Variants in RANBP2 observed in about 807,000 individuals in gnomAD.
RANBP2 encodes the protein E3 SUMO-protein ligase RanBP2.
In RANBP2, 57 loss-of-function variants were observed where a neutral mutation model predicts 303.6. The observed-to-expected ratio is 0.19, with a 90% CI of 0.15 to 0.23. The LOEUF (loss-of-function observed/expected upper bound fraction) is 0.23. Ranked by LOEUF, RANBP2 falls within the 10% of genes least tolerant of loss-of-function variation. RANBP2 has a pLI of 1.00. For missense variants in RANBP2, 3,138 were observed against 3,780.8 expected (o/e 0.83, Z 4.46); for synonymous variants, 1,167 against 1,301.5 (o/e 0.90, Z 2.23).
chr2:109,732,088 G>T, the RANBP2 span, among the ~76,000 whole-genome samples: 2 of 152,020 alleles, frequency 1.3e-5, no homozygotes, highest in African/African-American at 4.8e-5. Context: ...AAACTCCTGG[G>T]CTCAAGAGAT....
the RANBP2 span, among the ~76,000 whole-genome samples, chr2:109,536,566 T>TC: frequency 6.6e-6 from 1 of 152,224 alleles, no homozygotes; most frequent in Non-Finnish European, 1.5e-5. Context: ...GGAAGGGACT[T>TC]GCCTTGTCTC....
chr2:109,498,196 G>A, the RANBP2 span, among the ~76,000 whole-genome samples: 1 of 152,150 alleles, frequency 6.6e-6, no homozygotes, highest in Admixed American at 6.5e-5. Context: ...CTGGTTCGCC[G>A]GCAGATAGCC....
At chr2:108,967,633 T>C in the RANBP2 span, among the ~76,000 whole-genome samples, 1 of 152,232 alleles carries the variant, frequency 6.6e-6, no homozygotes. Context: ...AGAGTGTGTC[T>C]TTGTAGGAAA....
the RANBP2 span, chr2:108,906,240 G>T: frequency 3.7e-3 from 5,755 of 1,565,608 alleles, 172 homozygotes; most frequent in African/African-American, 0.069. Flanking sequence ...GAGCCTCAGG[G>T]CTCCGGGCCC....
At chr2:109,535,695 T>C in the RANBP2 span, among the ~76,000 whole-genome samples, 1 of 152,102 alleles carries the variant, frequency 6.6e-6, no homozygotes. Flanking sequence ...ACAAGGGCAT[T>C]TGCATGAGCC....
chr2:109,163,390 CTTTT>C, the RANBP2 span, among the ~76,000 whole-genome samples: 5 of 70,268 alleles, frequency 7.1e-5, no homozygotes, highest in Non-Finnish European at 9.8e-5. Flanking sequence ...AGCAAATATT[CTTTT>C]TTTTTTTTTT....
In RANBP2 at chr2:108,764,536, G is replaced by C; in HGVS notation, c.3997G>C (p.Asp1333His). 6.2e-7 allele frequency: 1 copy of C among 1,613,908 alleles called. No individual in the cohort carries two copies. Among genetic ancestry groups the C allele is most frequent in the Admixed American group, 1.7e-5 (1 of 59,980 alleles). The change falls in exon 20 of 29, where the codon GAT becomes CAT. Residue 1333 changes from aspartate (D) to histidine (H), a missense_variant. Coordinates refer to ENST00000283195, the MANE Select transcript of RANBP2 (RefSeq NM_006267.5). ...VKEPTSHDNK[D>H]ICKSDAGNLN... ...AGAACCCACAAGTCATGATAACAAG[G>C]ATATTTGCAAATCTGATGCTGGAAA...
chr2:108,993,331 G>A, the RANBP2 span, among the ~76,000 whole-genome samples: 4 of 152,206 alleles, frequency 2.6e-5, no homozygotes. Flanking sequence ...ACAAAGCAGG[G>A]AGCTGGCCTG....
chr2:108,768,279 A>G lies in RANBP2; in HGVS notation c.7740A>G (p.Ser2580=), dbSNP rs778017391. The G allele has an allele frequency of 3.1e-6, 5 of 1,612,050 alleles. No individual in the cohort carries two copies. In the South Asian group the frequency reaches 4.4e-5, roughly 14 times the overall value. ...TGGAACCTAAAAAATGTGAACTGTC[A>G]AAGAACTCTGATATCGAACAGTCTT... is the stretch of plus-strand genomic sequence containing the variant. ...SKVEPKKCEL[S]KNSDIEQSSD... The change falls in exon 20 of 29, where the codon TCA becomes TCG. Residue 2580 remains serine (S), a synonymous_variant. Transcript: ENST00000283195.
At chr2:109,615,686 G>A in the RANBP2 span, 4 of 1,614,060 alleles carry the variant, frequency 2.5e-6, no homozygotes, top group Middle Eastern at 3.3e-4. Flanking sequence ...CCCTGGACGA[G>A]GGTGACGGGG....
chr2:109,592,056 A>T, the RANBP2 span, among the ~76,000 whole-genome samples: 1 of 152,306 alleles, frequency 6.6e-6, no homozygotes, highest in African/African-American at 2.4e-5. Context: ...GACCCTTAGA[A>T]GCATAAGGTG....
the RANBP2 span, among the ~76,000 whole-genome samples, chr2:109,542,586 C>T: frequency 3.3e-5 from 5 of 152,186 alleles, no homozygotes. Flanking sequence ...GCTCAGCTGG[C>T]ACTAAGTACC....
the RANBP2 span, among the ~76,000 whole-genome samples, chr2:109,239,158 T>G: frequency 1.3e-5 from 2 of 152,056 alleles, no homozygotes; most frequent in African/African-American, 4.8e-5. Context: ...CACTTTGAGC[T>G]TCCCCAGACC....
At chr2:108,725,638 T>C (rs1694638609) in intron 1 of RANBP2, among the ~76,000 whole-genome samples, 2 of 151,916 alleles carry the variant, frequency 1.3e-5, no homozygotes, top group African/African-American at 4.8e-5. Flanking sequence ...CGTGCGCCTG[T>C]AGTCCCAGCT....
the RANBP2 span, among the ~76,000 whole-genome samples, chr2:109,032,828 C>G: frequency 1.3e-5 from 2 of 152,232 alleles, no homozygotes; most frequent in African/African-American, 4.8e-5. Context: ...GAGCAATCGC[C>G]TAATTCCACA....
At chr2:109,203,083 A>G in the RANBP2 span, among the ~76,000 whole-genome samples, 1 of 152,144 alleles carries the variant, frequency 6.6e-6, no homozygotes, top group Non-Finnish European at 1.5e-5. Context: ...AGCTCCGTCG[A>G]GCCTGGAACA....
the RANBP2 span, among the ~76,000 whole-genome samples, chr2:109,521,217 C>CAA: frequency 7.5e-4 from 86 of 115,344 alleles, 1 homozygote; most frequent in African/African-American, 1.9e-3. Context: ...GACTCCGTCT[C>CAA]AAAAAAAAAA....
At chr2:109,132,588 G>T in the RANBP2 span, among the ~76,000 whole-genome samples, 1 of 152,168 alleles carries the variant, frequency 6.6e-6, no homozygotes. Flanking sequence ...CATAGCCTAA[G>T]ATCAGGAGTT....
At chr2:109,317,331 G>A in the RANBP2 span, among the ~76,000 whole-genome samples, 15 of 152,138 alleles carry the variant, frequency 9.9e-5, no homozygotes, top group African/African-American at 3.4e-4. Flanking sequence ...GGGGGCGTCT[G>A]TGGGCAGGTG....
Sources: gnomAD v4.1 joint callset for allele counts (sites outside exome capture counted in the v4.1 genomes callset) on GRCh38, gnomAD v4.1.1 for gene constraint, MANE v1.5 for transcripts, NCBI Gene and HGNC (gene_info 2026-07-23, HGNC 2026-07-21) for gene names.